Variants in MDN1 observed in about 807,000 individuals in gnomAD.
The protein encoded by MDN1 is midasin.
In MDN1, 266 loss-of-function variants were observed where a neutral mutation model predicts 669.2. The observed-to-expected ratio is 0.40, with a 90% CI of 0.36 to 0.44. MDN1 has a LOEUF of 0.44. Ranked by LOEUF, MDN1 falls within the 20% of genes least tolerant of loss-of-function variation. The pLI is 1.00. For synonymous variants in MDN1, 2,385 were observed against 2,457.1 expected (o/e 0.97, Z 0.87); for missense variants, 5,940 against 6,754.0 (o/e 0.88, Z 4.22).
At chr6:89,726,013 G>A (rs1051028956) in intron 37 of MDN1, among the ~76,000 whole-genome samples, 1 of 151,248 alleles carries the variant, frequency 6.6e-6, no homozygotes, top group African/African-American at 2.4e-5. Flanking sequence ...CTGAATAAAT[G>A]CTCAAATTAA....
At chr6:89,778,062 T>C (rs114059553) in intron 11 of MDN1, among the ~76,000 whole-genome samples, 241 of 152,320 alleles carry the variant, frequency 1.6e-3, no homozygotes, top group African/African-American at 5.6e-3. Flanking sequence ...TGTCTCTGTC[T>C]AGGCAGTGGG....
chr6:89,682,699 T>TAAAAAAAAAAAAAAAAAAAAAAAAAAA (rs143107841), intron 73 of MDN1, among the ~76,000 whole-genome samples: 2 of 96,858 alleles, frequency 2.1e-5, no homozygotes, highest in Admixed American at 1.1e-4. Flanking sequence ...GACTCTGTCT[T>TAAAAAAAAAAAAAAAAAAAAAAAAAAA]AAAAAAAAAA....
chr6:89,777,414 AG>A (rs1374025682), intron 11 of MDN1, among the ~76,000 whole-genome samples: 1 of 152,226 alleles, frequency 6.6e-6, no homozygotes, highest in East Asian at 1.9e-4. Flanking sequence ...TCCTAGGCAT[AG>A]GCCAAGCTAA....
intron 50 of MDN1, among the ~76,000 whole-genome samples, chr6:89,709,410 T>C (rs577122320): frequency 6.6e-6 from 1 of 152,304 alleles, no homozygotes; most frequent in East Asian, 1.9e-4. Context: ...AAAAGGACAG[T>C]TGGAGCTAAT....
At chr6:89,750,650 T>C (rs1302464142) in intron 23 of MDN1, 118 bp from the exon 24 acceptor site, 2 of 995,062 alleles carry the variant, frequency 2.0e-6, no homozygotes, top group East Asian at 2.4e-5. Flanking sequence ...TTGCCCAGGC[T>C]GAAGTATGGT....
intron 29 of MDN1, 123 bp from the exon 30 acceptor site, chr6:89,743,837 C>A: frequency 9.4e-7 from 1 of 1,067,598 alleles, no homozygotes; most frequent in East Asian, 2.4e-5. Context: ...ACAGTGCTGG[C>A]CAATGTGGAA....
Position 89,794,806 on chromosome 6 carries a change from A to C in MDN1, c.330-5T>G, listed in dbSNP as rs1464847772. 1 of 1,611,062 alleles carries C rather than the reference A, an allele frequency of 6.2e-7. No homozygotes were observed. The highest frequency in any genetic ancestry group is 8.5e-7 in the Non-Finnish European group (1 of 1,177,350). Reference sequence around the variant, plus strand: ...TTGAAATATCTCAGGGCAAACCTTCAAACACAAAGAATACAGACATCCCCA... The same window carrying C: ...TTGAAATATCTCAGGGCAAACCTTCCAACACAAAGAATACAGACATCCCCA... On this transcript the variant is annotated splice_region_variant and splice_polypyrimidine_tract_variant and intron_variant, in intron 2 of 101. Transcript: ENST00000369393.
chr6:89,800,817 A>C (rs564901225), intron 2 of MDN1, among the ~76,000 whole-genome samples: 1 of 152,198 alleles, frequency 6.6e-6, no homozygotes, highest in East Asian at 1.9e-4. Flanking sequence ...GTGGGACTGA[A>C]TCTTTAACCT....
intron 2 of MDN1, among the ~76,000 whole-genome samples, chr6:89,800,640 G>A (rs952758985): frequency 7.2e-5 from 11 of 152,130 alleles, no homozygotes; most frequent in African/African-American, 2.7e-4. Context: ...TAAAGAAACT[G>A]TTTTCCTGAG....
At position 89,712,556 on chromosome 6, in the gene MDN1, A is replaced by C; in HGVS notation, c.7430+19T>G. ...AACCAGCCAAGAAACCAGAGACACA[A>C]GCTGAAGGCTCCACTGACCTTGTCC... On this transcript the variant is annotated intron_variant, in intron 48 of 101. Coordinates refer to ENST00000369393, the MANE Select transcript of MDN1 (RefSeq NM_014611.3). 1 of 1,608,346 alleles carries C rather than the reference A, an allele frequency of 6.2e-7. No homozygotes were observed. The highest frequency in any genetic ancestry group is 8.5e-7 in the Non-Finnish European group (1 of 1,175,318).
chr6:89,649,991 C>T, intron 97 of MDN1, 33 bp downstream of exon 97: 1 of 1,609,946 alleles, frequency 6.2e-7, no homozygotes, highest in Non-Finnish European at 8.5e-7. Context: ...TGTTAATTTC[C>T]TATCAAACTG....
chr6:89,654,136 G>A (rs754495686), intron 93 of MDN1, 28 bp downstream of exon 93: 2 of 1,613,076 alleles, frequency 1.2e-6, no homozygotes, highest in Non-Finnish European at 1.7e-6. Flanking sequence ...GAGCGCCTGG[G>A]AAGGGTTTGT....
intron 58 of MDN1, among the ~76,000 whole-genome samples, chr6:89,699,378 T>C (rs1035540174): frequency 2.0e-5 from 3 of 152,230 alleles, no homozygotes; most frequent in Non-Finnish European, 2.9e-5. Context: ...TCTCATTTAA[T>C]TGGAAACCAA....
rs1482541058 is a variant in MDN1 at position 89,642,609 on chromosome 6, T to C, written c.*1396A>G. ...ATTATAGCTCAGCCTACCATGGACATAAATGCAAATGATAACCTTTGTAGT... is the reference window on the plus strand; with the variant it reads ...ATTATAGCTCAGCCTACCATGGACACAAATGCAAATGATAACCTTTGTAGT... On this transcript the variant is annotated 3_prime_UTR_variant, in exon 102 of 102. Transcript: ENST00000369393. The C allele has an allele frequency of 6.6e-6, 1 of 152,202 alleles. No individual in the cohort carries two copies. Among genetic ancestry groups the C allele is most frequent in the African/African-American group, 2.4e-5 (1 of 41,446 alleles). 9.4% of individuals were successfully genotyped at this position (152,202 alleles called of 1,614,324 possible).
rs913745372 is a variant in MDN1 at position 89,749,325 on chromosome 6, A to G, written c.3660T>C (p.Phe1220=). The G allele has an allele frequency of 7.4e-6, 12 of 1,614,080 alleles. No homozygotes were observed. Among genetic ancestry groups the G allele is most frequent in the Non-Finnish European group, 1.0e-5 (12 of 1,180,036 alleles). The change falls in exon 26 of 102, where the codon TTT becomes TTC. Residue 1220 remains phenylalanine, a synonymous_variant. Coordinates refer to ENST00000369393, the MANE Select transcript of MDN1 (RefSeq NM_014611.3). ...CCAACTCGGAGCTAGGTAACTCATC[A>G]AAGTGCAATTCCACAAACCGATTCC... ...AFRNRFVELH[F]DELPSSELET...
At chr6:89,670,716 A>G (rs894785096) in intron 83 of MDN1, among the ~76,000 whole-genome samples, 5 of 152,178 alleles carry the variant, frequency 3.3e-5, no homozygotes, top group Admixed American at 2.0e-4. Flanking sequence ...GATAGGAGGT[A>G]TCATCTGCAG....
rs1241497324 is a variant in MDN1, at chr6:89,658,250, C to A, written c.15142G>T (p.Glu5048Ter). ...TTCTCAGGTGCGGCCCCAGCCAGCT[C>A]CATGGCCTGTGTGTTCTGCATGTTC... ...VENMQNTQAM[E>*]LAGAAPEKEQ... Residue 5048 changes from glutamate to a stop codon, truncating the protein, a stop_gained, in exon 90 of 102, where the codon GAG becomes TAG. Coordinates refer to ENST00000369393, the MANE Select transcript of MDN1 (RefSeq NM_014611.3). LOFTEE classifies it high-confidence loss of function. The A allele has an allele frequency of 6.2e-7, 1 of 1,614,104 alleles. No individual in the cohort carries two copies. Among genetic ancestry groups the A allele is most frequent in the Non-Finnish European group, 8.5e-7 (1 of 1,180,048 alleles).
chr6:89,812,626 G>T (rs1460263838), intron 1 of MDN1, among the ~76,000 whole-genome samples: 2 of 148,562 alleles, frequency 1.3e-5, no homozygotes, highest in Non-Finnish European at 3.0e-5. Context: ...TGATCAGTTA[G>T]CCCTTCTCAA....
At chr6:89,653,709 A>AT (rs1176573247) in intron 93 of MDN1, among the ~76,000 whole-genome samples, 7 of 152,066 alleles carry the variant, frequency 4.6e-5, no homozygotes, top group South Asian at 2.1e-4. Context: ...TGATGAAGCT[A>AT]TTTTTTTTGC....
Sources: gnomAD v4.1 joint callset for allele counts (sites outside exome capture counted in the v4.1 genomes callset) on GRCh38, gnomAD v4.1.1 for gene constraint, MANE v1.5 for transcripts, NCBI Gene and HGNC (gene_info 2026-07-23, HGNC 2026-07-21) for gene names.